TTC7A: variants seen among roughly 807,000 people sequenced by gnomAD.
The protein encoded by TTC7A is tetratricopeptide repeat protein 7A.
Under a neutral mutation model 103.7 loss-of-function variants are expected in TTC7A, and 110 were observed. That is an observed-to-expected ratio of 1.06 (90% confidence interval 0.91 to 1.24). The LOEUF is 1.24. Among genes scored for constraint, TTC7A ranks in the 50% most tolerant of loss-of-function variants. The pLI, the probability that TTC7A is intolerant of heterozygous loss-of-function variation, is 0.00. For missense variants in TTC7A, 1,340 were observed against 1,116.3 expected, an observed-to-expected ratio of 1.20 and a Z score of -2.86; for synonymous variants, 521 against 467.9, an observed-to-expected ratio of 1.11 and a Z score of -1.47.
chr2:47,033,309 A>G (rs910602930), intron 15 of TTC7A, among the ~76,000 whole-genome samples: 6 of 152,248 alleles, frequency 3.9e-5, no homozygotes, highest in African/African-American at 1.4e-4. Flanking sequence ...CTGTATCCAC[A>G]GGACACTTAA....
chr2:47,051,929 C>G (rs1334167553), intron 18 of TTC7A, 49 bp downstream of exon 18: 1 of 1,563,226 alleles, frequency 6.4e-7, no homozygotes, highest in African/African-American at 1.3e-5. Context: ...GCAGGCCACC[C>G]ATGCTCTCAG....
At chr2:46,947,578 G>T (rs905487928) in intron 1 of TTC7A, among the ~76,000 whole-genome samples, 8 of 152,112 alleles carry the variant, frequency 5.3e-5, no homozygotes, top group Admixed American at 4.6e-4. Flanking sequence ...TTAGCTGGGT[G>T]TGGTGGTGCG....
At position 47,021,476 on chromosome 2, in the gene TTC7A, G is replaced by A. The variant is rs4511767; in HGVS notation, c.1393-386G>A. On this transcript the variant is annotated intron_variant, in intron 11 of 19. Coordinates refer to ENST00000319190, the MANE Select transcript of TTC7A (RefSeq NM_020458.4). ...TCAGAGAGGGAGCGAGCTCATGGAC[G>A]GGGCCAGAGTGGCTGCCTGCCTGCT... 2.4e-3 allele frequency among the ~76,000 whole-genome samples: 360 copies of A among 152,338 alleles called. 7 individuals are homozygous for A. The East Asian group carries it at 0.059, about 25-fold the overall frequency.
Position 47,073,059 on chromosome 2 carries a change from C to CA in TTC7A, c.2356-642dup, listed in dbSNP as rs142313336. Among the ~76,000 whole-genome samples the CA allele has an allele frequency of 6.8e-3, 1,039 of 152,324 alleles. 10 individuals carry two copies. Among genetic ancestry groups the CA allele is most frequent in the African/African-American group, 0.024 (988 of 41,574 alleles). On this transcript the variant is annotated intron_variant, in intron 19 of 19. Coordinates refer to ENST00000319190, the MANE Select transcript of TTC7A (RefSeq NM_020458.4). ...CAGCCAATCCAGCCCGTTCACCCAG[C>CA]ACCCCATCCCCCGCCATCTGACTCT...
chr2:46,977,712 C>T (rs1051683412), intron 4 of TTC7A, among the ~76,000 whole-genome samples: 15 of 152,298 alleles, frequency 9.8e-5, no homozygotes, highest in African/African-American at 3.6e-4. Flanking sequence ...GGACTGACAC[C>T]AGCTTTGTGA....
At chr2:46,930,314 T>C (rs1166183908) in intron 2 of TTC7A, among the ~76,000 whole-genome samples, 4 of 151,652 alleles carry the variant, frequency 2.6e-5, no homozygotes, top group African/African-American at 7.3e-5. Flanking sequence ...ATAATGAATA[T>C]GAATACCAGT....
intron 16 of TTC7A, among the ~76,000 whole-genome samples, chr2:47,048,151 T>G (rs536622370): frequency 6.6e-6 from 1 of 152,308 alleles, no homozygotes; most frequent in East Asian, 1.9e-4. Flanking sequence ...ATGCCCCTCC[T>G]TCATGGAGCC....
Position 47,011,438 on chromosome 2 carries a change from G to C in TTC7A, c.1392+3G>C. 1 of 1,603,018 alleles carries C rather than the reference G, an allele frequency of 6.2e-7. No individual in the cohort carries two copies. The highest frequency in any genetic ancestry group is 8.5e-7 in the Non-Finnish European group (1 of 1,178,826). ...TCTGCATCGGGTCCCTTCGCTGGGT[G>C]AGTGAGCTGTGAGGGCAGGTCCCAG... is the stretch of plus-strand genomic sequence containing the variant. On this transcript the variant is annotated splice_donor_region_variant and intron_variant, in intron 11 of 19. Coordinates refer to ENST00000319190, the MANE Select transcript of TTC7A (RefSeq NM_020458.4).
At chr2:46,966,210 A>C (rs1158050575) in intron 3 of TTC7A, among the ~76,000 whole-genome samples, 1 of 152,126 alleles carries the variant, frequency 6.6e-6, no homozygotes, top group Non-Finnish European at 1.5e-5. Context: ...CAGGCTCCCA[A>C]AGTGTTGGGA....
At chr2:46,956,294 T>TCTCCTC (rs144006504) in intron 2 of TTC7A, among the ~76,000 whole-genome samples, 2,184 of 152,272 alleles carry the variant, frequency 0.014, 53 homozygotes, top group African/African-American at 0.049. Context: ...CAGCAGGCCC[T>TCTCCTC]CTCCTCCTCA....
At chr2:46,931,557 G>T (rs1294155742) in intron 2 of TTC7A, among the ~76,000 whole-genome samples, 3 of 152,162 alleles carry the variant, frequency 2.0e-5, no homozygotes, top group African/African-American at 7.2e-5. Context: ...GGAAGCAAAG[G>T]TTGGAGTGAT....
chr2:46,966,616 A>G (rs1421097342), intron 3 of TTC7A, among the ~76,000 whole-genome samples: 2 of 151,534 alleles, frequency 1.3e-5, no homozygotes, highest in African/African-American at 4.9e-5. Flanking sequence ...CATTATAAAT[A>G]ATACTGAAAT....
At chr2:47,026,394 A>G (rs1402295141) in intron 14 of TTC7A, among the ~76,000 whole-genome samples, 1 of 152,184 alleles carries the variant, frequency 6.6e-6, no homozygotes, top group Non-Finnish European at 1.5e-5. Context: ...TCCACAAAGT[A>G]AGGTGCCCGG....
intron 2 of TTC7A, among the ~76,000 whole-genome samples, chr2:46,931,614 G>A (rs1173699410): frequency 6.6e-6 from 1 of 151,896 alleles, no homozygotes; most frequent in African/African-American, 2.4e-5. Flanking sequence ...GAATGCAGTC[G>A]GCCTCTAGAA....
intron 18 of TTC7A, among the ~76,000 whole-genome samples, chr2:47,059,179 C>T (rs112636365): frequency 1.3e-5 from 2 of 151,956 alleles, no homozygotes; most frequent in East Asian, 1.9e-4. Flanking sequence ...CACCACCATG[C>T]CCAGCTAATT....
At chr2:47,010,029 C>T (rs1234172593) in intron 10 of TTC7A, among the ~76,000 whole-genome samples, 7 of 152,052 alleles carry the variant, frequency 4.6e-5, no homozygotes, top group Non-Finnish European at 1.0e-4. Context: ...TCAGCTCAGC[C>T]ATTCATAGGC....
At chr2:46,975,234 CTACTT>C in intron 4 of TTC7A, 131 bp downstream of exon 4, 2 of 1,216,310 alleles carry the variant, frequency 1.6e-6, no homozygotes, top group Non-Finnish European at 2.3e-6. Context: ...CAAAGACACT[CTACTT>C]CATAGTTGGA....
chr2:47,018,265 G>C (rs1386803013), intron 11 of TTC7A, among the ~76,000 whole-genome samples: 2 of 133,304 alleles, frequency 1.5e-5, no homozygotes, highest in African/African-American at 5.7e-5. Context: ...GGGTGACAGA[G>C]TGAGAGTCCG....
At chr2:46,944,216 AAACATTAAAG>A (rs1321966210) in intron 1 of TTC7A, among the ~76,000 whole-genome samples, 1 of 152,204 alleles carries the variant, frequency 6.6e-6, no homozygotes, top group Non-Finnish European at 1.5e-5. Flanking sequence ...AGAATTTTCA[AAACATTAAAG>A]AACATGAAAG....
Sources: allele counts gnomAD v4.1 joint callset (sites outside exome capture counted in the v4.1 genomes callset), GRCh38; gene constraint gnomAD v4.1.1; transcripts MANE v1.5; gene names NCBI Gene and HGNC (gene_info 2026-07-23, HGNC 2026-07-21).